Variants in EXOC6 observed in about 807,000 individuals in gnomAD.
EXOC6 encodes SEC15-like 1.
A neutral mutation model predicts 112.5 loss-of-function variants in EXOC6; 60 were observed. The ratio of observed to expected loss-of-function variants is 0.53; its 90% confidence interval spans 0.43 to 0.66. The LOEUF (loss-of-function observed/expected upper bound fraction) is 0.66. Among genes scored for constraint, EXOC6 ranks in the 30% least tolerant of loss-of-function variants. The pLI, the probability that EXOC6 is intolerant of heterozygous loss-of-function variation, is 0.00. For synonymous variants in EXOC6, 295 were observed against 308.0 expected (o/e 0.96, Z 0.44); for missense variants, 855 against 957.1 (o/e 0.89, Z 1.41).
intron 9 of EXOC6, among the ~76,000 whole-genome samples, chr10:92,929,372 T>C (rs1268313950): frequency 6.6e-6 from 1 of 152,220 alleles, no homozygotes; most frequent in Non-Finnish European, 1.5e-5. Context: ...AAGCTCAACA[T>C]TTCAAGTATT....
chr10:92,993,833 C>T (rs571199723), intron 18 of EXOC6, among the ~76,000 whole-genome samples: 5 of 152,122 alleles, frequency 3.3e-5, no homozygotes, highest in African/African-American at 9.7e-5. Context: ...GCATTAAAAG[C>T]CTTATTTCAC....
At chr10:92,859,712 G>C (rs1847804716) in intron 1 of EXOC6, among the ~76,000 whole-genome samples, 1 of 152,144 alleles carries the variant, frequency 6.6e-6, no homozygotes, top group Non-Finnish European at 1.5e-5. Flanking sequence ...CTCAGAATTA[G>C]CTCACCTTGA....
chr10:93,007,225 C>G (rs149877104), intron 19 of EXOC6, among the ~76,000 whole-genome samples: 1 of 152,080 alleles, frequency 6.6e-6, no homozygotes, highest in African/African-American at 2.4e-5. Flanking sequence ...CTTCCCCCCT[C>G]GTAACAAACC....
chr10:92,955,765 G>A (rs780357790), intron 17 of EXOC6, 51 bp downstream of exon 17: 12 of 1,534,284 alleles, frequency 7.8e-6, no homozygotes, highest in Admixed American at 6.5e-5. Flanking sequence ...GTAAGCAGAC[G>A]TTAAGAAATT....
Position 92,897,917 on chromosome 10 carries a change from G to A in EXOC6, c.413-1682G>A, listed in dbSNP as rs145032478. Among the ~76,000 whole-genome samples the A allele has an allele frequency of 4.4e-3, 663 of 152,210 alleles. 5 individuals are homozygous for A. Among genetic ancestry groups the A allele is most frequent in the East Asian group, 0.027 (142 of 5,168 alleles). The stretch of plus-strand genomic sequence containing the variant: ...TAAAATGTATAAAAGCAAACTGTAC[G>A]CCTGACGACTTGGGCACATGTTTTC... On this transcript the variant is annotated intron_variant, in intron 4 of 21. Coordinates refer to ENST00000260762, the MANE Select transcript of EXOC6 (RefSeq NM_019053.6).
At chr10:92,930,141 C>A (rs545067404) in intron 9 of EXOC6, among the ~76,000 whole-genome samples, 1 of 152,178 alleles carries the variant, frequency 6.6e-6, no homozygotes, top group Admixed American at 6.5e-5. Flanking sequence ...AGAATACACA[C>A]GCTTTACATG....
chr10:92,843,201 A>C (rs1007212485), intron 1 of EXOC6, among the ~76,000 whole-genome samples: 2 of 152,182 alleles, frequency 1.3e-5, no homozygotes, highest in African/African-American at 4.8e-5. Flanking sequence ...ATTCCTGCAC[A>C]GGGTTTTACA....
rs144456439 is a variant in EXOC6, at chr10:92,894,998, A to C, written c.390A>C (p.Glu130Asp). The C allele has an allele frequency of 6.8e-4, 1,102 of 1,609,782 alleles. 1 individual carries two copies. The highest frequency in any genetic ancestry group is 9.1e-4 in the Non-Finnish European group (1,068 of 1,176,368). ...IQQRNITTVV[E>D]KLQLCLPVLE... is the part of the protein sequence containing the mutation. ...AGAGAAATATTACAACTGTAGTAGA[A>C]AAATTGCAGTTATGCCTTCCTGGTG... Residue 130 changes from glutamate to aspartate, a missense_variant, in exon 4 of 22, where the codon GAA becomes GAC. By Grantham distance (45) the Glu-to-Asp change is conservative. This residue lies in a region of EXOC6 where 405 missense variants were observed against 393.6 expected (regional missense o/e 1.03). Coordinates refer to ENST00000260762, the MANE Select transcript of EXOC6 (RefSeq NM_019053.6).
intron 20 of EXOC6, among the ~76,000 whole-genome samples, chr10:93,021,250 G>T (rs890994344): frequency 6.6e-6 from 1 of 152,020 alleles, no homozygotes; most frequent in Non-Finnish European, 1.5e-5. Context: ...GGAGGCTGAG[G>T]TAGGAGGATC....
chr10:92,962,450 C>G (rs1854058665), intron 17 of EXOC6, among the ~76,000 whole-genome samples: 1 of 151,916 alleles, frequency 6.6e-6, no homozygotes, highest in South Asian at 2.1e-4. Flanking sequence ...AGTGCAGTGA[C>G]TTGATCCTGG....
At position 92,976,201 on chromosome 10, in the gene EXOC6, T is replaced by G. The variant is rs1416182808; in HGVS notation, c.1953+1969T>G. Among the ~76,000 whole-genome samples, 3 of 152,062 alleles carry G rather than the reference T, an allele frequency of 2.0e-5. No individual in the cohort carries two copies. The East Asian group carries it at 5.8e-4, about 30-fold the overall frequency. ...CCAACAGCTCATTGAGAACGGGCCATGATGACAGTGGCGATTTTGTGGAAT... is the reference window on the plus strand; with the variant it reads ...CCAACAGCTCATTGAGAACGGGCCAGGATGACAGTGGCGATTTTGTGGAAT... On this transcript the variant is annotated intron_variant, in intron 18 of 21. Coordinates refer to ENST00000260762, the MANE Select transcript of EXOC6 (RefSeq NM_019053.6).
chr10:93,043,996 C>G (rs1041555585), intron 20 of EXOC6, among the ~76,000 whole-genome samples: 2 of 152,172 alleles, frequency 1.3e-5, no homozygotes, highest in African/African-American at 2.4e-5. Flanking sequence ...GTCTCTGTTT[C>G]GTTGTCTCAG....
At chr10:93,044,242 G>T (rs1478418320) in intron 20 of EXOC6, among the ~76,000 whole-genome samples, 3 of 152,182 alleles carry the variant, frequency 2.0e-5, no homozygotes, top group Admixed American at 6.5e-5. Flanking sequence ...GTGACAAAAG[G>T]TAATTACATA....
At chr10:93,027,531 TGTTAGG>T (rs1368054016) in intron 20 of EXOC6, among the ~76,000 whole-genome samples, 2 of 152,198 alleles carry the variant, frequency 1.3e-5, no homozygotes, top group Non-Finnish European at 2.9e-5. Context: ...CAGACTGTCT[TGTTAGG>T]GACTAATGCA....
intron 1 of EXOC6, among the ~76,000 whole-genome samples, chr10:92,889,196 T>C (rs1849374592): frequency 6.6e-6 from 1 of 152,246 alleles, no homozygotes; most frequent in African/African-American, 2.4e-5. Context: ...ATGTGTATAC[T>C]ATACTAGTCA....
chr10:92,909,286 G>A, intron 5 of EXOC6, 141 bp from the exon 6 acceptor site: 1 of 578,946 alleles, frequency 1.7e-6, no homozygotes, highest in Non-Finnish European at 2.9e-6. Flanking sequence ...ACAAATAGAT[G>A]TAAATATTAA....
At chr10:92,851,808 T>C (rs576033979) in intron 1 of EXOC6, among the ~76,000 whole-genome samples, 19 of 151,642 alleles carry the variant, frequency 1.3e-4, no homozygotes, top group African/African-American at 4.6e-4. Context: ...CAGTGGCTCA[T>C]GCCTGTAATC....
chr10:92,855,105 A>G (rs1298322232), intron 1 of EXOC6, among the ~76,000 whole-genome samples: 1 of 152,148 alleles, frequency 6.6e-6, no homozygotes, highest in Non-Finnish European at 1.5e-5. Flanking sequence ...TTTTTTAGAG[A>G]CAAAATCTCA....
intron 19 of EXOC6, among the ~76,000 whole-genome samples, chr10:93,005,954 G>A (rs930227057): frequency 6.6e-6 from 1 of 152,096 alleles, no homozygotes; most frequent in Admixed American, 6.6e-5. Flanking sequence ...GAGCCCAGGG[G>A]TTCGAGACCA....
Sources: allele counts gnomAD v4.1 joint callset (sites outside exome capture counted in the v4.1 genomes callset), GRCh38; gene constraint gnomAD v4.1.1; regional missense constraint gnomAD v4.1.1; transcripts MANE v1.5; gene names NCBI Gene and HGNC (gene_info 2026-07-23, HGNC 2026-07-21).